The following CNTNAP3B variants were observed in gnomAD, a reference collection of about 807,000 sequenced individuals.
CNTNAP3B encodes contactin-associated protein-like 3B.
CNTNAP3B carries 25 observed loss-of-function variants against 108.9 expected under a neutral mutation model. The observed-to-expected ratio is 0.23, with a 90% CI of 0.17 to 0.32. CNTNAP3B has a LOEUF of 0.32. CNTNAP3B is among the 10% of genes least tolerant of loss of function. CNTNAP3B has a pLI of 1.00. For synonymous variants in CNTNAP3B, 103 were observed against 473.4 expected, an observed-to-expected ratio of 0.22 and a Z score of 10.16; for missense variants, 252 against 1,210.4, an observed-to-expected ratio of 0.21 and a Z score of 11.75.
chr9:42,118,450 G>A (rs951035731), intron 1 of CNTNAP3B, among the ~76,000 whole-genome samples: 1 of 138,090 alleles, frequency 7.2e-6, no homozygotes, highest in African/African-American at 2.9e-5. Flanking sequence ...AATAGATGCA[G>A]AAAAGGCCTT....
Position 42,120,512 on chromosome 9 carries a change from A to C in CNTNAP3B, c.85+8498T>G, listed in dbSNP as rs1828437184. ...GATTATAAATCATGCTGCTATAAAG[A>C]CACATGCACACGTATGTTTATTGCG... On this transcript the variant is annotated intron_variant, in intron 1 of 23. Transcript: ENST00000377561. 1.4e-5 allele frequency among the ~76,000 whole-genome samples: 2 copies of C among 138,142 alleles called. 1 individual carries two copies. Among genetic ancestry groups the C allele is most frequent in the Admixed American group, 1.4e-4 (2 of 13,908 alleles). The allele number at this position is 138,142 out of a possible 152,430, so 90.6% of individuals were successfully genotyped here.
intron 2 of CNTNAP3B, among the ~76,000 whole-genome samples, chr9:42,093,065 T>A (rs186911825): frequency 0.02 from 1,963 of 95,848 alleles, 682 homozygotes; most frequent in African/African-American, 0.073. Flanking sequence ...TACTACTAAT[T>A]GCCGGGCGCG....
At chr9:41,955,120 A>T (rs1275812474) in intron 12 of CNTNAP3B, among the ~76,000 whole-genome samples, 9 of 149,746 alleles carry the variant, frequency 6.0e-5, no homozygotes, top group Non-Finnish European at 1.2e-4. Context: ...ATGCTCAACC[A>T]CATGCCATTT....
chr9:41,937,113 AT>A (rs746078696), intron 14 of CNTNAP3B, among the ~76,000 whole-genome samples: 2 of 58,056 alleles, frequency 3.4e-5, no homozygotes, highest in Non-Finnish European at 8.4e-5. Context: ...TTATTTATTA[AT>A]TTATTATTAT....
chr9:42,082,889 G>A lies in CNTNAP3B; in HGVS notation c.197-5827C>T, dbSNP rs1432894503. Among the ~76,000 whole-genome samples the A allele has an allele frequency of 3.6e-5, 5 of 139,562 alleles. 1 individual carries two copies. The highest frequency in any genetic ancestry group is 3.1e-5 in the Non-Finnish European group (2 of 64,988). 91.6% of individuals were successfully genotyped at this position (139,562 alleles called of 152,430 possible). On this transcript the variant is annotated intron_variant, in intron 2 of 23. Transcript: ENST00000377561. ...GTAGTGCAAACACTCCTATTAAATG[G>A]CAATGATGGTCAGATTAGATGAGAA...
chr9:42,042,095 G>C (rs1205818205), intron 3 of CNTNAP3B, among the ~76,000 whole-genome samples: 1 of 142,148 alleles, frequency 7.0e-6, no homozygotes, highest in Admixed American at 7.0e-5. Context: ...GTGGGGTGGT[G>C]GGAGGAGGGA....
intron 18 of CNTNAP3B, among the ~76,000 whole-genome samples, 184 bp downstream of exon 18, chr9:41,919,886 G>A (rs1250559628): frequency 6.6e-6 from 1 of 152,242 alleles, no homozygotes; most frequent in Non-Finnish European, 1.5e-5. Flanking sequence ...AGGACTGATA[G>A]CCTTAAGTTT....
At chr9:41,935,267 G>A (rs1824121906) in intron 14 of CNTNAP3B, among the ~76,000 whole-genome samples, 1 of 152,184 alleles carries the variant, frequency 6.6e-6, no homozygotes, top group African/African-American at 2.4e-5. Flanking sequence ...TAGACGAGTT[G>A]CTGATTACAG....
intron 3 of CNTNAP3B, among the ~76,000 whole-genome samples, chr9:42,020,510 TAA>T (rs1826293185): frequency 6.9e-6 from 1 of 144,324 alleles, no homozygotes; most frequent in Non-Finnish European, 1.5e-5. Context: ...TTGTGCTTTA[TAA>T]AAGTTCAGGG....
intron 13 of CNTNAP3B, among the ~76,000 whole-genome samples, chr9:41,944,753 G>A (rs1824473481): frequency 6.6e-6 from 1 of 152,248 alleles, no homozygotes; most frequent in African/African-American, 2.4e-5. Context: ...GGCAACAAAA[G>A]CCAAAATTGA....
At chr9:41,920,614 A>G (rs1293447791) in intron 17 of CNTNAP3B, among the ~76,000 whole-genome samples, 2 of 152,306 alleles carry the variant, frequency 1.3e-5, no homozygotes, top group East Asian at 1.9e-4. Flanking sequence ...AGAACAAAAT[A>G]CATAATATAA....
rs570448707 is a variant in CNTNAP3B at position 42,086,379 on chromosome 9, AAT to A, written c.197-9319_197-9318del. ...ATCTACTATGAATAATGTTGCTATGAATATATATATATATATAAATTTTTTTT... is the reference window on the plus strand; with the variant it reads ...ATCTACTATGAATAATGTTGCTATGAATATATATATATATAAATTTTTTTT... On this transcript the variant is annotated intron_variant, in intron 2 of 23. Coordinates refer to ENST00000377561, the MANE Select transcript of CNTNAP3B (RefSeq NM_001201380.3). 5.0e-4 allele frequency among the ~76,000 whole-genome samples: 63 copies of A among 126,196 alleles called. 2 individuals carry two copies. Among genetic ancestry groups the A allele is most frequent in the East Asian group, 1.2e-3 (5 of 4,128 alleles). 82.8% of individuals were successfully genotyped at this position (126,196 alleles called of 152,430 possible). A position where few individuals can be genotyped will look rare whatever the true frequency, so the allele number is the denominator to read the frequency against.
chr9:41,934,122 T>TATATATATAC (rs1214326050), intron 14 of CNTNAP3B, among the ~76,000 whole-genome samples: 62 of 73,458 alleles, frequency 8.4e-4, no homozygotes, highest in Middle Eastern at 7.2e-3. Context: ...TATATATATA[T>TATATATATAC]ACACACACAT....
chr9:42,107,638 T>C (rs1425516473), intron 1 of CNTNAP3B, among the ~76,000 whole-genome samples: 1 of 130,638 alleles, frequency 7.7e-6, no homozygotes, highest in Non-Finnish European at 1.6e-5. Flanking sequence ...CACCTTGTAA[T>C]GAAGAAAATT....
rs1486781757 is a variant in CNTNAP3B at position 41,924,002 on chromosome 9, G to T, written c.2457C>A (p.Phe819Leu). 6.2e-7 allele frequency: 1 copy of T among 1,612,012 alleles called. No individual in the cohort carries two copies. Among genetic ancestry groups the T allele is most frequent in the East Asian group, 2.2e-5 (1 of 44,906 alleles). Residue 819 changes from phenylalanine to leucine, a missense_variant, in exon 16 of 24, where the codon TTC becomes TTA. By Grantham distance (22) the Phe-to-Leu change is conservative. Coordinates refer to ENST00000377561, the MANE Select transcript of CNTNAP3B (RefSeq NM_001201380.3). ...CAGAGGAAACTGTGGTCTTAAAAAAGAAGCACACGTCAGCAGTGAGTTCTC... is the reference window on the plus strand; with the variant it reads ...CAGAGGAAACTGTGGTCTTAAAAAATAAGCACACGTCAGCAGTGAGTTCTC... ...FHGELTADVC[F>L]FFKTTVSSGV...
intron 1 of CNTNAP3B, among the ~76,000 whole-genome samples, chr9:42,122,250 A>G (rs1225931386): frequency 4.3e-5 from 6 of 139,960 alleles, no homozygotes; most frequent in Non-Finnish European, 9.2e-5. Context: ...TCTATGTGAT[A>G]TTTTACTAGC....
Position 42,113,525 on chromosome 9 carries a change from C to T in CNTNAP3B, c.86-8786G>A, listed in dbSNP as rs1046469262. 1.0e-4 allele frequency among the ~76,000 whole-genome samples: 14 copies of T among 138,492 alleles called. 2 individuals are homozygous for T. The highest frequency in any genetic ancestry group is 3.4e-3 in the Middle Eastern group (1 of 290). The allele number at this position is 138,492 out of a possible 152,430, so 90.9% of individuals were successfully genotyped here. On this transcript the variant is annotated intron_variant, in intron 1 of 23. Transcript: ENST00000377561. ...AAGTCGTGCAGAAAGACATCAGACA[C>T]GACACAGAAAAAAATACAACAACAC...
chr9:42,089,478 G>A lies in CNTNAP3B; in HGVS notation c.197-12416C>T, dbSNP rs186734869. On this transcript the variant is annotated intron_variant, in intron 2 of 23. Coordinates refer to ENST00000377561, the MANE Select transcript of CNTNAP3B (RefSeq NM_001201380.3). ...GCATACTATAACAAACCATTTGTGGGTCATTTCCCCAATGTAAGAATTTTG... is the reference window on the plus strand; with the variant it reads ...GCATACTATAACAAACCATTTGTGGATCATTTCCCCAATGTAAGAATTTTG... Among the ~76,000 whole-genome samples the A allele has an allele frequency of 2.8e-5, 4 of 141,160 alleles. 1 individual carries two copies. Among genetic ancestry groups the A allele is most frequent in the Admixed American group, 2.8e-4 (4 of 14,226 alleles). 92.6% of individuals were successfully genotyped at this position (141,160 alleles called of 152,430 possible). A position where few individuals can be genotyped will look rare whatever the true frequency, so the allele number is the denominator to read the frequency against.
At position 41,983,152 on chromosome 9, in the gene CNTNAP3B, C is replaced by T. The variant is rs977383394; in HGVS notation, c.1477+3016G>A. On this transcript the variant is annotated intron_variant, in intron 9 of 23. Transcript: ENST00000377561. ...CCAAGCCCCCATTACATGCAATTTA[C>T]CTATATAACAAACCTGCACATGTAT... The T allele has an allele frequency of 7.3e-5, 10 of 136,362 alleles. 3 individuals are homozygous for T. The highest frequency in any genetic ancestry group is 2.9e-4 in the African/African-American group (10 of 33,952). The allele number at this position is 136,362 out of a possible 1,614,324, so 8.4% of individuals were successfully genotyped here. A position where few individuals can be genotyped will look rare whatever the true frequency, so the allele number is the denominator to read the frequency against.
Sources: gnomAD v4.1 joint callset for allele counts (sites outside exome capture counted in the v4.1 genomes callset) on GRCh38, gnomAD v4.1.1 for gene constraint, MANE v1.5 for transcripts, NCBI Gene and HGNC (gene_info 2026-07-23, HGNC 2026-07-21) for gene names.